The following GPR39 variants were observed in gnomAD, a reference collection of about 807,000 sequenced individuals.
GPR39 encodes zinc sensing receptor.
Under a neutral mutation model 18.4 loss-of-function variants are expected in GPR39, and 23 were observed. The observed-to-expected ratio is 1.25, with a 90% CI of 0.90 to 1.77. The LOEUF (loss-of-function observed/expected upper bound fraction) is 1.77. Among genes scored for constraint, GPR39 ranks in the 40% most tolerant of loss-of-function variants. GPR39 has a pLI of 0.00. For synonymous variants in GPR39, 280 were observed against 257.9 expected (o/e 1.09, Z -0.82); for missense variants, 647 against 602.4 (o/e 1.07, Z -0.78).
intron 1 of GPR39, among the ~76,000 whole-genome samples, chr2:132,593,835 C>T (rs772889493): frequency 2.6e-5 from 4 of 152,080 alleles, no homozygotes; most frequent in Non-Finnish European, 4.4e-5. Context: ...AGTCCTGAGA[C>T]CTTGTGGCAC....
intron 1 of GPR39, among the ~76,000 whole-genome samples, chr2:132,594,048 G>C (rs933689493): frequency 6.6e-6 from 1 of 152,188 alleles, no homozygotes; most frequent in Non-Finnish European, 1.5e-5. Context: ...TAATCTCTGG[G>C]TTGATTGTCA....
intron 1 of GPR39, chr2:132,644,856 C>T (rs1174272325): frequency 9.9e-6 from 5 of 506,948 alleles, no homozygotes; most frequent in Non-Finnish European, 1.7e-5. Context: ...TATAAATACA[C>T]TGTCTAAAGC....
At chr2:132,451,748 A>C (rs1033763047) in intron 1 of GPR39, among the ~76,000 whole-genome samples, 1 of 152,190 alleles carries the variant, frequency 6.6e-6, no homozygotes, top group Non-Finnish European at 1.5e-5. Context: ...CTTCTTAGCT[A>C]TAGAAGATAA....
chr2:132,447,064 G>A (rs1420107185), intron 1 of GPR39, among the ~76,000 whole-genome samples: 1 of 152,188 alleles, frequency 6.6e-6, no homozygotes, highest in Non-Finnish European at 1.5e-5. Flanking sequence ...GCTGAATTTT[G>A]CACCTTTGGT....
rs141015999 is a variant in GPR39 at position 132,513,799 on chromosome 2, C to G, written c.856+95901C>G. Among the ~76,000 whole-genome samples, 1,190 of 152,290 alleles carry G rather than the reference C, an allele frequency of 7.8e-3. 12 individuals carry two copies. The highest frequency in any genetic ancestry group is 0.026 in the African/African-American group (1,089 of 41,570). On this transcript the variant is annotated intron_variant, in intron 1 of 1. Transcript: ENST00000329321. Reference sequence around the variant, plus strand: ...CATTCACAGCTCATGGCAGCCTTGACATCCTGAGGGTTAAGGTGATCCTTC... The same window carrying G: ...CATTCACAGCTCATGGCAGCCTTGAGATCCTGAGGGTTAAGGTGATCCTTC...
chr2:132,634,163 G>A (rs528615059), intron 1 of GPR39, among the ~76,000 whole-genome samples: 2 of 152,156 alleles, frequency 1.3e-5, no homozygotes, highest in South Asian at 2.1e-4. Flanking sequence ...AGGTAAGAAA[G>A]ATGGTGGTAG....
At chr2:132,642,612 A>G (rs985944903) in intron 1 of GPR39, among the ~76,000 whole-genome samples, 1 of 152,194 alleles carries the variant, frequency 6.6e-6, no homozygotes, top group Non-Finnish European at 1.5e-5. Flanking sequence ...AAGAAAAGCA[A>G]TGTTATCATT....
At chr2:132,500,624 C>A (rs1340096682) in intron 1 of GPR39, among the ~76,000 whole-genome samples, 1 of 152,024 alleles carries the variant, frequency 6.6e-6, no homozygotes, top group African/African-American at 2.4e-5. Context: ...CCTTTTTCCT[C>A]TATCTTTTGA....
chr2:132,459,323 TC>T (rs1680791215), intron 1 of GPR39, among the ~76,000 whole-genome samples: 1 of 152,230 alleles, frequency 6.6e-6, no homozygotes, highest in Non-Finnish European at 1.5e-5. Context: ...GAAATCTCTT[TC>T]TTCATTAATA....
intron 1 of GPR39, among the ~76,000 whole-genome samples, chr2:132,461,873 G>A (rs965472054): frequency 6.6e-6 from 1 of 152,194 alleles, no homozygotes; most frequent in Non-Finnish European, 1.5e-5. Flanking sequence ...AGAACCACAT[G>A]AGTCAGAGCC....
chr2:132,478,033 A>G (rs774226658), intron 1 of GPR39, among the ~76,000 whole-genome samples: 24 of 152,230 alleles, frequency 1.6e-4, no homozygotes, highest in Non-Finnish European at 2.8e-4. Flanking sequence ...CATGAATCAT[A>G]TTAATAATTG....
At chr2:132,569,160 T>A (rs1474620959) in intron 1 of GPR39, among the ~76,000 whole-genome samples, 4 of 152,122 alleles carry the variant, frequency 2.6e-5, no homozygotes, top group African/African-American at 7.3e-5. Context: ...TTGGTATATT[T>A]ACTCTCCTTA....
chr2:132,458,908 A>T (rs993389977), intron 1 of GPR39, among the ~76,000 whole-genome samples: 1 of 152,196 alleles, frequency 6.6e-6, no homozygotes, highest in Non-Finnish European at 1.5e-5. Flanking sequence ...TTTTTTCTGC[A>T]TATATGACAT....
intron 1 of GPR39, among the ~76,000 whole-genome samples, chr2:132,542,546 C>T (rs995871726): frequency 5.3e-5 from 8 of 152,144 alleles, no homozygotes; most frequent in Non-Finnish European, 1.0e-4. Flanking sequence ...CTATCATAGA[C>T]CTGGAAGGGG....
chr2:132,480,879 T>A (rs994771640), intron 1 of GPR39, among the ~76,000 whole-genome samples: 6 of 152,306 alleles, frequency 3.9e-5, no homozygotes, highest in African/African-American at 1.2e-4. Flanking sequence ...AACTTCTTAG[T>A]TGGCCTTGCT....
At chr2:132,518,723 TAG>T (rs2104764891) in intron 1 of GPR39, among the ~76,000 whole-genome samples, 1 of 152,288 alleles carries the variant, frequency 6.6e-6, no homozygotes, top group East Asian at 1.9e-4. Flanking sequence ...GAAAAAGAAA[TAG>T]GTGACATTAA....
At chr2:132,567,827 C>T (rs184724578) in intron 1 of GPR39, among the ~76,000 whole-genome samples, 12 of 152,172 alleles carry the variant, frequency 7.9e-5, no homozygotes, top group East Asian at 1.9e-4. Flanking sequence ...CTTTCCTGTG[C>T]GGTTCTCATG....
intron 1 of GPR39, among the ~76,000 whole-genome samples, chr2:132,556,166 G>T (rs1680148390): frequency 1.3e-5 from 2 of 152,128 alleles, no homozygotes; most frequent in Non-Finnish European, 2.9e-5. Flanking sequence ...ATAGCTGAGT[G>T]CCCAAACTGT....
At chr2:132,542,194 A>G (rs535213198) in intron 1 of GPR39, among the ~76,000 whole-genome samples, 40 of 152,322 alleles carry the variant, frequency 2.6e-4, no homozygotes, top group Middle Eastern at 6.8e-3. Context: ...CAATACATGC[A>G]AAGCACCAAA....
Sources: allele counts gnomAD v4.1 joint callset (sites outside exome capture counted in the v4.1 genomes callset), GRCh38; gene constraint gnomAD v4.1.1; transcripts MANE v1.5; gene names NCBI Gene and HGNC (gene_info 2026-07-23, HGNC 2026-07-21).